Variants in DNM3 observed in about 807,000 individuals in gnomAD.
DNM3 encodes the protein dynamin 3.
In DNM3, 47 loss-of-function variants were observed where a neutral mutation model predicts 101.6. That is an observed-to-expected ratio of 0.46 (90% CI 0.37 to 0.59). The LOEUF (loss-of-function observed/expected upper bound fraction) is 0.59. DNM3 is among the 20% of genes least tolerant of loss of function. The probability of loss-of-function intolerance (pLI) is 0.00; values close to 1 mark genes in which losing one functional copy is unlikely to be tolerated. For synonymous variants in DNM3, 385 were observed against 387.9 expected (o/e 0.99, Z 0.09); for missense variants, 849 against 1,085.7 (o/e 0.78, Z 3.06).
intron 13 of DNM3, among the ~76,000 whole-genome samples, chr1:172,109,401 T>C (rs1341688111): frequency 6.6e-6 from 1 of 152,224 alleles, no homozygotes; most frequent in African/African-American, 2.4e-5. Context: ...CATTTCATTT[T>C]CAAATGCCTG....
chr1:172,090,102 G>A (rs1032694800), intron 12 of DNM3, among the ~76,000 whole-genome samples: 2 of 152,100 alleles, frequency 1.3e-5, no homozygotes, highest in East Asian at 1.9e-4. Flanking sequence ...TAATTTTAGG[G>A]TCTACAATAA....
chr1:172,325,822 A>C (rs2065915496), intron 17 of DNM3, among the ~76,000 whole-genome samples: 1 of 152,196 alleles, frequency 6.6e-6, no homozygotes, highest in Non-Finnish European at 1.5e-5. Context: ...TATCTAGTGC[A>C]TGGCATTTTA....
chr1:172,252,493 C>T (rs146070644), intron 14 of DNM3, among the ~76,000 whole-genome samples: 415 of 152,220 alleles, frequency 2.7e-3, no homozygotes, highest in Non-Finnish European at 4.3e-3. Flanking sequence ...ACGTATTTCC[C>T]ATGGGCATTA....
chr1:171,910,462 A>G (rs1164095748), intron 1 of DNM3, among the ~76,000 whole-genome samples: 2 of 152,130 alleles, frequency 1.3e-5, no homozygotes, highest in Admixed American at 6.5e-5. Flanking sequence ...GTCAGGTACT[A>G]TCTGTGGTTT....
intron 14 of DNM3, among the ~76,000 whole-genome samples, chr1:172,198,655 C>T (rs2060041959): frequency 6.6e-6 from 1 of 151,942 alleles, no homozygotes; most frequent in African/African-American, 2.4e-5. Context: ...ATGTATGTGT[C>T]CAGGAATTTA....
At chr1:172,207,513 G>A (rs1038845584) in intron 14 of DNM3, among the ~76,000 whole-genome samples, 4 of 152,086 alleles carry the variant, frequency 2.6e-5, no homozygotes, top group Non-Finnish European at 4.4e-5. Context: ...CAGGTGCTCA[G>A]CATTCAAAGG....
intron 20 of DNM3, among the ~76,000 whole-genome samples, chr1:172,400,878 C>T (rs1340328981): frequency 6.6e-6 from 1 of 152,138 alleles, no homozygotes; most frequent in African/African-American, 2.4e-5. Flanking sequence ...ATGCTAGTCC[C>T]CTTAACTTTC....
intron 17 of DNM3, among the ~76,000 whole-genome samples, chr1:172,356,919 C>T (rs2067483019): frequency 1.3e-5 from 2 of 151,930 alleles, no homozygotes; most frequent in Non-Finnish European, 2.9e-5. Flanking sequence ...GTGCTCAAAA[C>T]CTTATGGGGA....
intron 14 of DNM3, among the ~76,000 whole-genome samples, chr1:172,135,996 G>A (rs1268825418): frequency 6.6e-6 from 1 of 152,046 alleles, no homozygotes; most frequent in Non-Finnish European, 1.5e-5. Context: ...ATAGCCCAGT[G>A]TGTAAAGATT....
intron 14 of DNM3, among the ~76,000 whole-genome samples, chr1:172,169,639 A>G (rs2058876621): frequency 6.6e-6 from 1 of 151,938 alleles, no homozygotes; most frequent in Admixed American, 6.6e-5. Flanking sequence ...AGAAATTAAT[A>G]TTACTAGAAT....
chr1:172,325,279 G>A (rs1557998504), intron 17 of DNM3, among the ~76,000 whole-genome samples: 1 of 152,154 alleles, frequency 6.6e-6, no homozygotes, highest in African/African-American at 2.4e-5. Flanking sequence ...AACTGTATCT[G>A]AACGCTTGCG....
intron 14 of DNM3, among the ~76,000 whole-genome samples, chr1:172,151,423 A>G (rs1362761652): frequency 2.0e-5 from 3 of 152,164 alleles, no homozygotes; most frequent in Admixed American, 1.3e-4. Flanking sequence ...CTACACACAC[A>G]TTTTGTGTAC....
chr1:171,949,581 A>G (rs1025845964), intron 2 of DNM3, among the ~76,000 whole-genome samples: 1 of 144,144 alleles, frequency 6.9e-6, no homozygotes, highest in Non-Finnish European at 1.5e-5. Context: ...GGCTAATGAA[A>G]TTTTTTTTTT....
intron 9 of DNM3, among the ~76,000 whole-genome samples, chr1:172,047,677 G>T (rs544079799): frequency 6.6e-6 from 1 of 152,156 alleles, no homozygotes; most frequent in Non-Finnish European, 1.5e-5. Context: ...AAATAGAGGT[G>T]AGCATGGGGT....
chr1:172,289,489 A>G (rs1490288520), intron 15 of DNM3: 14 of 850,244 alleles, frequency 1.6e-5, no homozygotes, highest in Non-Finnish European at 2.0e-5. Context: ...CATCTTTTAT[A>G]TTACAGAATT....
intron 4 of DNM3, among the ~76,000 whole-genome samples, chr1:172,031,453 G>C (rs2048600267): frequency 6.6e-6 from 1 of 151,878 alleles, no homozygotes; most frequent in African/African-American, 2.4e-5. Flanking sequence ...TAATGCATTG[G>C]GAGGCTTAAA....
At chr1:172,142,470 G>A (rs1346158428) in intron 14 of DNM3, among the ~76,000 whole-genome samples, 3 of 151,752 alleles carry the variant, frequency 2.0e-5, no homozygotes, top group Admixed American at 6.6e-5. Context: ...AAAATAAGTC[G>A]CTAGAGCCAC....
chr1:171,924,477 G>A (rs1003771942), intron 2 of DNM3, among the ~76,000 whole-genome samples: 5 of 152,168 alleles, frequency 3.3e-5, no homozygotes, highest in Admixed American at 6.5e-5. Context: ...GAGGTCTCAG[G>A]AAACTTACAA....
intron 12 of DNM3, 28 bp downstream of exon 12, chr1:172,081,930 C>G (rs201223068): frequency 6.2e-7 from 1 of 1,601,770 alleles, no homozygotes; most frequent in South Asian, 1.1e-5. Context: ...TGGCCACATG[C>G]ATTCCTCCTG....
Sources: gnomAD v4.1 joint callset for allele counts (sites outside exome capture counted in the v4.1 genomes callset) on GRCh38, gnomAD v4.1.1 for gene constraint, MANE v1.5 for transcripts, NCBI Gene and HGNC (gene_info 2026-07-23, HGNC 2026-07-21) for gene names.